The following SORCS3 variants were observed in gnomAD, a reference collection of about 807,000 sequenced individuals.
SORCS3 encodes the protein sortilin related VPS10 domain containing receptor 3.
SORCS3 carries 57 observed loss-of-function variants against 146.3 expected under a neutral mutation model. The observed-to-expected ratio is 0.39, with a 90% CI of 0.31 to 0.49. SORCS3 has a LOEUF of 0.49. SORCS3 is among the 20% of genes least tolerant of loss of function. The probability of loss-of-function intolerance (pLI) is 0.92; values close to 1 mark genes in which losing one functional copy is unlikely to be tolerated. For missense variants in SORCS3, 1,341 were observed against 1,575.5 expected, an observed-to-expected ratio of 0.85 and a Z score of 2.52; for synonymous variants, 653 against 618.5, an observed-to-expected ratio of 1.06 and a Z score of -0.83.
intron 3 of SORCS3, among the ~76,000 whole-genome samples, chr10:104,926,569 T>C (rs1014414784): frequency 6.6e-6 from 1 of 152,148 alleles, no homozygotes; most frequent in Non-Finnish European, 1.5e-5. Flanking sequence ...CAGATCCCAT[T>C]AGGGCTAAGA....
At chr10:105,200,247 T>G (rs1299044482) in intron 15 of SORCS3, 131 bp downstream of exon 15, 3 of 702,450 alleles carry the variant, frequency 4.3e-6, no homozygotes, top group African/African-American at 3.6e-5. Context: ...GGGTGTGGAT[T>G]TGGAGAAAAG....
chr10:104,751,243 G>T (rs1236359703), intron 1 of SORCS3, among the ~76,000 whole-genome samples: 2 of 152,158 alleles, frequency 1.3e-5, no homozygotes, highest in Non-Finnish European at 2.9e-5. Flanking sequence ...TAATAGGAAT[G>T]CCTGGTTATA....
chr10:104,980,528 A>G (rs1200997326), intron 4 of SORCS3, among the ~76,000 whole-genome samples: 1 of 152,216 alleles, frequency 6.6e-6, no homozygotes. Flanking sequence ...ATTTCAGACT[A>G]GAGCCTTCTC....
At chr10:105,167,639 C>G (rs951435513) in intron 13 of SORCS3, among the ~76,000 whole-genome samples, 6 of 151,978 alleles carry the variant, frequency 3.9e-5, no homozygotes, top group African/African-American at 9.7e-5. Context: ...GATCAGTAAT[C>G]CAAAATAGGA....
intron 8 of SORCS3, among the ~76,000 whole-genome samples, chr10:105,145,386 C>A (rs1402062121): frequency 6.6e-6 from 1 of 152,058 alleles, no homozygotes; most frequent in Non-Finnish European, 1.5e-5. Flanking sequence ...CACCAGGTGA[C>A]ACAGCCCCGG....
At chr10:104,937,533 GCCGAAAGCTCACATTACTTTCGCTTA>G (rs1160382014) in intron 3 of SORCS3, among the ~76,000 whole-genome samples, 3 of 152,140 alleles carry the variant, frequency 2.0e-5, no homozygotes, top group African/African-American at 7.2e-5. Context: ...TTTCATCATG[GCCGAAAGCTCACATTACTTTCGCTTA>G]CCACGAGGCA....
intron 4 of SORCS3, among the ~76,000 whole-genome samples, chr10:104,979,990 A>G (rs777041311): frequency 2.0e-5 from 3 of 152,168 alleles, no homozygotes; most frequent in Non-Finnish European, 1.5e-5. Context: ...AGGTTGATAA[A>G]CCAAATGCAA....
intron 1 of SORCS3, among the ~76,000 whole-genome samples, chr10:104,675,977 T>G (rs2015908252): frequency 6.6e-6 from 1 of 152,198 alleles, no homozygotes; most frequent in Non-Finnish European, 1.5e-5. Context: ...TTTCCTTAAT[T>G]TCTCTCAGCA....
intron 1 of SORCS3, among the ~76,000 whole-genome samples, chr10:104,699,092 AG>A (rs1200891621): frequency 6.6e-6 from 1 of 152,198 alleles, no homozygotes; most frequent in Non-Finnish European, 1.5e-5. Context: ...GAACTTACAG[AG>A]TGCCCAAATC....
chr10:104,767,366 C>T (rs1479172593), intron 1 of SORCS3, among the ~76,000 whole-genome samples: 1 of 152,092 alleles, frequency 6.6e-6, no homozygotes, highest in Admixed American at 6.6e-5. Context: ...GGAAAAGCCC[C>T]GAGGAGCCTT....
intron 5 of SORCS3, among the ~76,000 whole-genome samples, chr10:105,060,812 C>T (rs1270802765): frequency 1.3e-5 from 2 of 151,960 alleles, no homozygotes; most frequent in Admixed American, 1.3e-4. Flanking sequence ...TGGCACATGC[C>T]TATAATCCCA....
intron 1 of SORCS3, among the ~76,000 whole-genome samples, chr10:104,836,613 C>T (rs1222948224): frequency 6.6e-6 from 1 of 152,174 alleles, no homozygotes; most frequent in African/African-American, 2.4e-5. Flanking sequence ...TTATAATCTT[C>T]TATTGTCACC....
chr10:104,678,922 C>T (rs926854703), intron 1 of SORCS3, among the ~76,000 whole-genome samples: 2 of 152,142 alleles, frequency 1.3e-5, no homozygotes, highest in Admixed American at 6.5e-5. Flanking sequence ...TACTGGCACC[C>T]TATTGTAAAA....
intron 1 of SORCS3, among the ~76,000 whole-genome samples, chr10:104,701,198 G>T (rs1468167710): frequency 6.6e-6 from 1 of 152,134 alleles, no homozygotes; most frequent in East Asian, 1.9e-4. Flanking sequence ...ACCTGTTAGG[G>T]TCTTATAAAA....
At chr10:105,082,516 G>A (rs74157414) in intron 5 of SORCS3, among the ~76,000 whole-genome samples, 1 of 152,120 alleles carries the variant, frequency 6.6e-6, no homozygotes, top group Non-Finnish European at 1.5e-5. Flanking sequence ...CTAACTCTAT[G>A]AAGTAGGTAT....
At chr10:105,238,510 T>G (rs891692159) in intron 20 of SORCS3, among the ~76,000 whole-genome samples, 1 of 152,094 alleles carries the variant, frequency 6.6e-6, no homozygotes, top group African/African-American at 2.4e-5. Context: ...GAGGGATTTT[T>G]GTGTGGAGGT....
At chr10:104,952,257 A>AG in intron 3 of SORCS3, among the ~76,000 whole-genome samples, 2 of 59,892 alleles carry the variant, frequency 3.3e-5, no homozygotes, top group African/African-American at 8.8e-4. Flanking sequence ...GAATGTTTGA[A>AG]AAAAAAAAAA....
At chr10:104,766,426 A>G (rs1248553341) in intron 1 of SORCS3, among the ~76,000 whole-genome samples, 2 of 152,228 alleles carry the variant, frequency 1.3e-5, no homozygotes, top group Non-Finnish European at 2.9e-5. Context: ...ACCTCTGTCC[A>G]GGCACATTGC....
At chr10:104,734,549 G>A (rs2016746452) in intron 1 of SORCS3, among the ~76,000 whole-genome samples, 1 of 152,206 alleles carries the variant, frequency 6.6e-6, no homozygotes, top group Non-Finnish European at 1.5e-5. Context: ...ACACTGTGCT[G>A]GTGCACAGGA....
Sources: gnomAD v4.1 joint callset for allele counts (sites outside exome capture counted in the v4.1 genomes callset) on GRCh38, gnomAD v4.1.1 for gene constraint, MANE v1.5 for transcripts, NCBI Gene and HGNC (gene_info 2026-07-23, HGNC 2026-07-21) for gene names.